DACH1: variants seen among roughly 807,000 people sequenced by gnomAD.
DACH1 encodes dachshund family transcription factor 1.
In DACH1, 12 loss-of-function variants were observed where a neutral mutation model predicts 54.2. The ratio of observed to expected loss-of-function variants is 0.22; its 90% CI spans 0.14 to 0.36. The LOEUF (loss-of-function observed/expected upper bound fraction) is 0.36, where lower values mean the gene tolerates loss of function less well. DACH1 is among the 10% of genes least tolerant of loss of function. The pLI, the probability that DACH1 is intolerant of heterozygous loss-of-function variation, is 1.00. For synonymous variants in DACH1, 386 were observed against 366.2 expected (o/e 1.05, Z -0.62); for missense variants, 805 against 929.8 (o/e 0.87, Z 1.75).
At chr13:71,520,407 T>C (rs1344054110) in intron 6 of DACH1, among the ~76,000 whole-genome samples, 2 of 151,290 alleles carry the variant, frequency 1.3e-5, no homozygotes, top group African/African-American at 4.9e-5. Context: ...TTGAAGCTTG[T>C]CCCCAAAACT....
At chr13:71,686,037 A>C (rs1489129860) in intron 1 of DACH1, among the ~76,000 whole-genome samples, 1 of 152,208 alleles carries the variant, frequency 6.6e-6, no homozygotes, top group Non-Finnish European at 1.5e-5. Context: ...AGCCACTATC[A>C]ACCCATCATT....
chr13:71,647,268 A>C (rs1305204263), intron 2 of DACH1, among the ~76,000 whole-genome samples: 1 of 152,180 alleles, frequency 6.6e-6, no homozygotes, highest in Non-Finnish European at 1.5e-5. Context: ...AAGTAAGAAA[A>C]ATCCTCAAAT....
intron 3 of DACH1, among the ~76,000 whole-genome samples, chr13:71,605,864 C>T (rs1874843641): frequency 6.6e-6 from 1 of 151,886 alleles, no homozygotes; most frequent in Non-Finnish European, 1.5e-5. Flanking sequence ...TTGAACATTG[C>T]TGATGAAGAC....
intron 1 of DACH1, among the ~76,000 whole-genome samples, chr13:71,824,598 A>T (rs1334260587): frequency 6.6e-6 from 1 of 152,006 alleles, no homozygotes; most frequent in Admixed American, 6.6e-5. Flanking sequence ...AATTTTTCCT[A>T]GGTCTGCAAC....
intron 1 of DACH1, among the ~76,000 whole-genome samples, chr13:71,836,271 A>G (rs1224744847): frequency 6.6e-6 from 1 of 152,022 alleles, no homozygotes; most frequent in African/African-American, 2.4e-5. Flanking sequence ...AAAAAAAAAG[A>G]CTAAAATATT....
intron 6 of DACH1, among the ~76,000 whole-genome samples, chr13:71,491,711 A>G (rs1168144374): frequency 6.6e-6 from 1 of 152,204 alleles, no homozygotes; most frequent in Non-Finnish European, 1.5e-5. Flanking sequence ...TTTGGGTCTC[A>G]TGACCCTATT....
Position 71,709,014 on chromosome 13 carries a change from G to A in DACH1, c.849-27104C>T, listed in dbSNP as rs900295762. Among the ~76,000 whole-genome samples, 17 of 151,662 alleles carry A rather than the reference G, an allele frequency of 1.1e-4. No homozygotes were observed. In the East Asian group the frequency reaches 2.7e-3, roughly 24 times the overall value. ...ACTACAGGCGCCCGCCACCATGCCCGACTAATTTTTTTGTATTTTTAGTAG... is the reference window on the plus strand; with the variant it reads ...ACTACAGGCGCCCGCCACCATGCCCAACTAATTTTTTTGTATTTTTAGTAG... On this transcript the variant is annotated intron_variant, in intron 1 of 10. Transcript: ENST00000613252.
chr13:71,500,772 T>C lies in DACH1; in HGVS notation c.1571-11624A>G, dbSNP rs910558746. The stretch of plus-strand genomic sequence containing the variant: ...CACCCACAAATATACATATATAGAC[T>C]GAACTCTGGCCTTTTTTTTTCTCTC... On this transcript the variant is annotated intron_variant, in intron 6 of 10. Transcript: ENST00000613252. 3.9e-5 allele frequency among the ~76,000 whole-genome samples: 6 copies of C among 152,196 alleles called. 1 individual carries two copies. The highest frequency in any genetic ancestry group is 1.4e-4 in the African/African-American group (6 of 41,516).
intron 1 of DACH1, among the ~76,000 whole-genome samples, chr13:71,837,074 T>C (rs1888819207): frequency 6.6e-6 from 1 of 151,910 alleles, no homozygotes; most frequent in Middle Eastern, 3.2e-3. Context: ...AGAGTAACAA[T>C]GTGAAAACGA....
At chr13:71,728,919 GT>G (rs544952049) in intron 1 of DACH1, among the ~76,000 whole-genome samples, 1 of 151,956 alleles carries the variant, frequency 6.6e-6, no homozygotes, top group East Asian at 1.9e-4. Flanking sequence ...GGTTTTTGAG[GT>G]TTTTTTAACT....
At chr13:71,684,518 T>C (rs1881064369) in intron 1 of DACH1, among the ~76,000 whole-genome samples, 1 of 152,136 alleles carries the variant, frequency 6.6e-6, no homozygotes, top group African/African-American at 2.4e-5. Flanking sequence ...AAAGCCCTTT[T>C]CTATGCCAAC....
At chr13:71,745,175 AC>A (rs1884553275) in intron 1 of DACH1, among the ~76,000 whole-genome samples, 1 of 152,134 alleles carries the variant, frequency 6.6e-6, no homozygotes, top group African/African-American at 2.4e-5. Flanking sequence ...CTCTCTGTCT[AC>A]TATTTCTTTC....
At chr13:71,496,628 A>G (rs1277995962) in intron 6 of DACH1, among the ~76,000 whole-genome samples, 1 of 152,000 alleles carries the variant, frequency 6.6e-6, no homozygotes, top group Non-Finnish European at 1.5e-5. Flanking sequence ...CTTTTCAGGT[A>G]ATGGATATCC....
chr13:71,458,079 A>G (rs750379225), intron 10 of DACH1, among the ~76,000 whole-genome samples: 90 of 151,762 alleles, frequency 5.9e-4, no homozygotes, highest in Middle Eastern at 6.8e-3. Flanking sequence ...AAAGATGAAC[A>G]CTCATTACCT....
intron 10 of DACH1, chr13:71,464,644 G>T: frequency 2.2e-6 from 1 of 447,760 alleles, no homozygotes; most frequent in Non-Finnish European, 4.5e-6. Context: ...ACAATTAAGG[G>T]AACCATTAAT....
chr13:71,842,548 AG>A (rs1006599808), intron 1 of DACH1, among the ~76,000 whole-genome samples: 1 of 152,198 alleles, frequency 6.6e-6, no homozygotes, highest in Non-Finnish European at 1.5e-5. Context: ...ACTGCACTTC[AG>A]TCTGGGTGAC....
At chr13:71,785,838 T>C (rs111526674) in intron 1 of DACH1, among the ~76,000 whole-genome samples, 1 of 152,216 alleles carries the variant, frequency 6.6e-6, no homozygotes, top group Non-Finnish European at 1.5e-5. Context: ...ACCAATCCCA[T>C]GCTACTTTCT....
At chr13:71,864,213 AC>A (rs372104237) in intron 1 of DACH1, among the ~76,000 whole-genome samples, 4,190 of 81,276 alleles carry the variant, frequency 0.052, 80 homozygotes, top group East Asian at 0.37. Context: ...ACACACACAC[AC>A]AACATTTACC....
intron 6 of DACH1, among the ~76,000 whole-genome samples, chr13:71,546,586 T>C (rs570968782): frequency 1.8e-4 from 28 of 152,112 alleles, no homozygotes; most frequent in Non-Finnish European, 2.9e-5. Flanking sequence ...ACCACTTAGG[T>C]AGAGCTATAT....
Sources: gnomAD v4.1 joint callset for allele counts (sites outside exome capture counted in the v4.1 genomes callset) on GRCh38, gnomAD v4.1.1 for gene constraint, MANE v1.5 for transcripts, NCBI Gene and HGNC (gene_info 2026-07-23, HGNC 2026-07-21) for gene names.